OPCML: variants seen among roughly 807,000 people sequenced by gnomAD.
OPCML encodes the protein opioid binding protein/cell adhesion molecule like.
OPCML carries 13 observed loss-of-function variants against 37.8 expected under a neutral mutation model. The observed-to-expected ratio is 0.34, with a 90% confidence interval of 0.22 to 0.55. The LOEUF (loss-of-function observed/expected upper bound fraction) is 0.55. Ranked by LOEUF, OPCML falls within the 20% of genes least tolerant of loss-of-function variation. OPCML has a pLI of 0.91. For synonymous variants in OPCML, 176 were observed against 168.8 expected (o/e 1.04, Z -0.33); for missense variants, 341 against 435.6 (o/e 0.78, Z 1.93).
chr11:133,003,799 G>A, intron 1 of OPCML: 5 of 985,294 alleles, frequency 5.1e-6, no homozygotes, highest in African/African-American at 1.7e-5. Flanking sequence ...CTTTGTGCTG[G>A]GCCCAACACA....
chr11:133,270,775 C>G (rs11223423), intron 1 of OPCML, among the ~76,000 whole-genome samples: 37,329 of 151,944 alleles, frequency 0.25, 4,636 homozygotes, highest in South Asian at 0.33. Context: ...GCTTGCGACA[C>G]GTGTGACTCA....
chr11:132,517,396 G>A (rs1010468906), intron 4 of OPCML, among the ~76,000 whole-genome samples: 22 of 152,268 alleles, frequency 1.4e-4, no homozygotes, highest in African/African-American at 4.1e-4. Context: ...GAGGGAAGGA[G>A]GAAACAAACC....
intron 1 of OPCML, chr11:133,421,857 G>A (rs941706517): frequency 3.3e-5 from 25 of 755,670 alleles, no homozygotes; most frequent in East Asian, 2.6e-4. Flanking sequence ...GTAACCTCTC[G>A]GAATTCCTGA....
chr11:132,977,627 A>G (rs1946492639), intron 1 of OPCML, among the ~76,000 whole-genome samples: 1 of 152,150 alleles, frequency 6.6e-6, no homozygotes, highest in Non-Finnish European at 1.5e-5. Context: ...TAAAGAAGAG[A>G]TATTTGGGAG....
intron 3 of OPCML, among the ~76,000 whole-genome samples, chr11:132,551,517 G>A (rs114679014): frequency 0.015 from 2,275 of 152,204 alleles, 54 homozygotes; most frequent in African/African-American, 0.052. Context: ...GGAGTCTCAC[G>A]GCTGGAGGCT....
chr11:132,994,860 TAC>T (rs1316306326), intron 1 of OPCML, among the ~76,000 whole-genome samples: 6 of 152,212 alleles, frequency 3.9e-5, no homozygotes, highest in Admixed American at 1.3e-4. Flanking sequence ...GCTTAATGGA[TAC>T]AGACACTTTA....
intron 2 of OPCML, among the ~76,000 whole-genome samples, chr11:132,809,046 G>A (rs1939179332): frequency 6.6e-6 from 1 of 152,112 alleles, no homozygotes; most frequent in African/African-American, 2.4e-5. Context: ...GCTTCTGGAA[G>A]GCTATACTCC....
In OPCML at chr11:133,323,874, A is replaced by T. The variant is rs555782949; in HGVS notation, c.61+208390T>A. Among the ~76,000 whole-genome samples, 3 of 152,358 alleles carry T rather than the reference A, an allele frequency of 2.0e-5. No homozygotes were observed. The South Asian group carries it at 6.2e-4, about 32-fold the overall frequency. On this transcript the variant is annotated intron_variant, in intron 1 of 7. Transcript: ENST00000524381. ...CTCCGTGCTCCCAACAGGGACACAAATTAAGGCAAGTTGGCTTGGTCTCTC... is the reference window on the plus strand; with the variant it reads ...CTCCGTGCTCCCAACAGGGACACAATTTAAGGCAAGTTGGCTTGGTCTCTC...
At chr11:132,436,314 A>G (rs2096012848) in intron 6 of OPCML, 77 bp from the exon 7 acceptor site, 1 of 1,607,804 alleles carries the variant, frequency 6.2e-7, no homozygotes, top group Non-Finnish European at 8.5e-7. Context: ...TTCTCCAACT[A>G]ATCTCGTCCT....
Position 133,031,904 on chromosome 11 carries a change from T to A in OPCML, c.62-88894A>T, listed in dbSNP as rs1380460722. The stretch of plus-strand genomic sequence containing the variant: ...CTATTTGGTACCAAAAGGTTAACAT[T>A]TATTGAGTGCCTCTTCTATGCCAAA... On this transcript the variant is annotated intron_variant, in intron 1 of 7. Transcript: ENST00000524381. 2.0e-5 allele frequency among the ~76,000 whole-genome samples: 3 copies of A among 152,200 alleles called. No individual in the cohort carries two copies. In the East Asian group the frequency reaches 5.8e-4, roughly 29 times the overall value.
At chr11:132,539,910 G>C (rs1014273315) in intron 3 of OPCML, among the ~76,000 whole-genome samples, 6 of 152,102 alleles carry the variant, frequency 3.9e-5, no homozygotes, top group Non-Finnish European at 5.9e-5. Context: ...TAATGCTGAT[G>C]ATGACGATAG....
intron 2 of OPCML, among the ~76,000 whole-genome samples, chr11:132,930,250 G>A (rs1945152926): frequency 6.6e-6 from 1 of 152,132 alleles, no homozygotes; most frequent in Admixed American, 6.5e-5. Flanking sequence ...TGTGGTCCCA[G>A]TTACTTGAGA....
intron 1 of OPCML, among the ~76,000 whole-genome samples, chr11:132,977,990 G>T (rs1946500868): frequency 6.6e-6 from 1 of 152,170 alleles, no homozygotes; most frequent in African/African-American, 2.4e-5. Flanking sequence ...TGTGGAAAAT[G>T]TAAGAGCTGC....
intron 1 of OPCML, chr11:133,065,900 C>G (rs1250655687): frequency 6.6e-6 from 1 of 152,544 alleles, no homozygotes; most frequent in African/African-American, 2.4e-5. Context: ...CTACTGAATC[C>G]CGATACAACA....
intron 3 of OPCML, 104 bp from the exon 4 acceptor site, chr11:132,529,290 T>C (rs2096317317): frequency 1.5e-6 from 2 of 1,370,802 alleles, no homozygotes; most frequent in East Asian, 2.5e-5. Flanking sequence ...ATAATAAATA[T>C]TGTTTGCAGT....
At chr11:133,515,718 C>A (rs1234276164) in intron 1 of OPCML, among the ~76,000 whole-genome samples, 2 of 151,904 alleles carry the variant, frequency 1.3e-5, no homozygotes, top group Non-Finnish European at 2.9e-5. Flanking sequence ...ACCTTTACCA[C>A]CAGTCCAGAA....
chr11:132,753,104 G>GCAC (rs1945895856), intron 2 of OPCML, among the ~76,000 whole-genome samples: 7 of 151,970 alleles, frequency 4.6e-5, no homozygotes, highest in Admixed American at 3.3e-4. Context: ...AGGAGGCTTT[G>GCAC]CACTCTGGCC....
At chr11:133,242,629 AT>A in intron 1 of OPCML, among the ~76,000 whole-genome samples, 1 of 152,152 alleles carries the variant, frequency 6.6e-6, no homozygotes, top group Non-Finnish European at 1.5e-5. Flanking sequence ...TTATGATCAT[AT>A]TTAATTGTGT....
intron 4 of OPCML, among the ~76,000 whole-genome samples, chr11:132,478,312 A>G (rs1215922925): frequency 1.3e-5 from 2 of 152,256 alleles, no homozygotes; most frequent in Non-Finnish European, 2.9e-5. Context: ...AAGATAGGGA[A>G]TGATTCAATG....
Sources: allele counts gnomAD v4.1 joint callset (sites outside exome capture counted in the v4.1 genomes callset), GRCh38; gene constraint gnomAD v4.1.1; transcripts MANE v1.5; gene names NCBI Gene and HGNC (gene_info 2026-07-23, HGNC 2026-07-21).